GAA: variants seen among roughly 807,000 people sequenced by gnomAD.
GAA encodes alpha glucosidase.
In GAA, 88 loss-of-function variants were observed where a neutral mutation model predicts 103.9. The observed-to-expected ratio is 0.85, with a 90% CI of 0.71 to 1.01. The LOEUF (loss-of-function observed/expected upper bound fraction) is 1.01, where lower values mean the gene tolerates loss of function less well. GAA is among the 50% of genes least tolerant of loss of function. GAA has a pLI of 0.00. For missense variants in GAA, 1,350 were observed against 1,305.3 expected (o/e 1.03, Z -0.53); for synonymous variants, 572 against 563.1 (o/e 1.02, Z -0.22).
chr17:80,112,437 T>C, intron 12 of GAA, 141 bp from the exon 13 acceptor site: 2 of 1,060,450 alleles, frequency 1.9e-6, no homozygotes, highest in Non-Finnish European at 2.8e-6. Flanking sequence ...CCCGCAGACA[T>C]GGGCAGTAGC....
At chr17:80,111,917 G>A (rs2039244155) in intron 11 of GAA, 66 bp from the exon 12 acceptor site, 6 of 1,362,270 alleles carry the variant, frequency 4.4e-6, no homozygotes, top group East Asian at 2.3e-5. Context: ...GAGGTGGGGG[G>A]CAGGGAGGGC....
chr17:80,104,534 G>A lies in GAA; in HGVS notation c.-32-21G>A. 6.5e-7 allele frequency: 1 copy of A among 1,549,560 alleles called. No homozygotes were observed. Among genetic ancestry groups the A allele is most frequent in the South Asian group, 1.2e-5 (1 of 84,768 alleles). ...GCCGCCCCTCCCGCCTCCCTGCTGA[G>A]CCCGCTTTCTTCTCCCGCAGGCCTG... On this transcript the variant is annotated intron_variant, in intron 1 of 19. Transcript: ENST00000302262. The surrounding 1 kb of genome is among the most constrained non-coding windows in gnomAD (Gnocchi z 4.0).
chr17:80,103,599 T>G (rs114011737), intron 1 of GAA, among the ~76,000 whole-genome samples: 487 of 152,272 alleles, frequency 3.2e-3, no homozygotes, highest in African/African-American at 0.011. Flanking sequence ...TTGGTACTTG[T>G]TAACCTTACC....
chr17:80,113,424 C>G, intron 15 of GAA, 58 bp downstream of exon 15: 1 of 1,442,524 alleles, frequency 6.9e-7, no homozygotes. Flanking sequence ...GGGCACGTAA[C>G]TCCCAGGCAG....
rs1393986587 is a variant in GAA, at chr17:80,112,156, T to TTGGG, written c.1754+57_1754+60dup. 3 of 1,536,412 alleles carry TTGGG rather than the reference T, an allele frequency of 2.0e-6. No individual in the cohort carries two copies. In the African/African-American group the frequency reaches 4.1e-5, roughly 21 times the overall value. ...TGCCCTCACAGCCTGTCCTACAAGG[T>TTGGG]TGGGGCCTCTGCAGGGCCTCAGGGA... On this transcript the variant is annotated intron_variant, in intron 12 of 19. Coordinates refer to ENST00000302262, the MANE Select transcript of GAA (RefSeq NM_000152.5).
intron 11 of GAA, 146 bp downstream of exon 11, chr17:80,111,171 A>T (rs1471626622): frequency 1.2e-6 from 1 of 838,084 alleles, no homozygotes; most frequent in Admixed American, 2.1e-5. Flanking sequence ...AGAAAGGCTC[A>T]GGCTGGGAGA....
chr17:80,106,827 C>T (rs991479479), intron 3 of GAA, among the ~76,000 whole-genome samples: 9 of 152,186 alleles, frequency 5.9e-5, no homozygotes, highest in African/African-American at 1.4e-4. Context: ...GAGGCTGAGG[C>T]AAGAGGATCC....
Position 80,104,538 on chromosome 17 carries a change from G to A in GAA, c.-32-17G>A, listed in dbSNP as rs368933241. 1.6e-5 allele frequency: 25 copies of A among 1,558,524 alleles called. No individual in the cohort carries two copies. Among genetic ancestry groups the A allele is most frequent in the African/African-American group, 5.4e-5 (4 of 73,888 alleles). ...CCCCTCCCGCCTCCCTGCTGAGCCC[G>A]CTTTCTTCTCCCGCAGGCCTGTAGG... On this transcript the variant is annotated splice_polypyrimidine_tract_variant and intron_variant, in intron 1 of 19. Transcript: ENST00000302262. The surrounding 1 kb of genome is among the most constrained non-coding windows in gnomAD (Gnocchi z 4.0).
At chr17:80,109,675 G>A (rs1048465382) in intron 8 of GAA, among the ~76,000 whole-genome samples, 1 of 150,358 alleles carries the variant, frequency 6.7e-6, no homozygotes, top group Non-Finnish European at 1.5e-5. Flanking sequence ...GATTACTGTA[G>A]AACACTTGGG....
intron 16 of GAA, 147 bp downstream of exon 16, chr17:80,117,256 G>A (rs2039376172): frequency 3.6e-6 from 3 of 844,714 alleles, no homozygotes; most frequent in African/African-American, 1.7e-5. Context: ...CCACCCGGCT[G>A]CTCCGCACCC....
Position 80,104,061 on chromosome 17 carries a change from C to T in GAA, c.-32-494C>T, listed in dbSNP as rs140325572. 5.9e-5 allele frequency among the ~76,000 whole-genome samples: 9 copies of T among 152,216 alleles called. No individual in the cohort carries two copies. The highest frequency in any genetic ancestry group is 2.1e-4 in the South Asian group (1 of 4,826). On this transcript the variant is annotated intron_variant, in intron 1 of 19. Coordinates refer to ENST00000302262, the MANE Select transcript of GAA (RefSeq NM_000152.5). This position sits in a 1 kb window ranked among gnomAD's most constrained non-coding sequence, Gnocchi z 4.0. ...GGTGGATCACTTGAGCTCAGGAGTT[C>T]GAGACCAGCCTGGGTAACATGGCAA...
chr17:80,118,693 G>A lies in GAA; in HGVS notation c.2687G>A (p.Gly896Glu). The A allele has an allele frequency of 6.2e-7, 1 of 1,613,040 alleles. No homozygotes were observed. Among genetic ancestry groups the A allele is most frequent in the Non-Finnish European group, 8.5e-7 (1 of 1,179,988 alleles). Residue 896 changes from glycine (G) to glutamate (E), a missense_variant, in exon 19 of 20, where the codon GGA becomes GAA. Coordinates refer to ENST00000302262, the MANE Select transcript of GAA (RefSeq NM_000152.5). ...VNELVRVTSE[G>E]AGLQLQKVTV... ...GAGCTGGTACGTGTGACCAGTGAGG[G>A]AGCTGGCCTGCAGCTGCAGAAGGTG...
At chr17:80,118,845 G>C (rs1364465838) in intron 19 of GAA, 40 bp downstream of exon 19, 15 of 1,609,444 alleles carry the variant, frequency 9.3e-6, no homozygotes, top group Middle Eastern at 1.7e-4. Context: ...GCGTCCCCCA[G>C]CCGTGGTGCA....
intron 17 of GAA, 127 bp from the exon 18 acceptor site, chr17:80,118,066 G>A (rs1390981003): frequency 2.2e-5 from 24 of 1,109,880 alleles, no homozygotes; most frequent in African/African-American, 1.1e-4. Flanking sequence ...CCCTGCGGCC[G>A]CAGGTGTTCC....
Position 80,109,766 on chromosome 17 carries a change from G to A in GAA, c.1327-179G>A, listed in dbSNP as rs2278620. Reference sequence around the variant, plus strand: ...CTCATCAGCCAGCTGGTCCTGACTCGCCCGGCCCTGGCTCCTCTCCAGGCA... The same window carrying A: ...CTCATCAGCCAGCTGGTCCTGACTCACCCGGCCCTGGCTCCTCTCCAGGCA... On this transcript the variant is annotated intron_variant, in intron 8 of 19. Transcript: ENST00000302262. Among the ~76,000 whole-genome samples the A allele has an allele frequency of 0.2, 30,961 of 152,176 alleles. 3,859 individuals are homozygous for A. Among genetic ancestry groups the A allele is most frequent in the Non-Finnish European group, 0.28 (18,911 of 67,970 alleles).
rs991245388 is a variant in GAA, at chr17:80,108,819, G to A, written c.1317G>A (p.Met439Ile). ...QELHQGGRRY[M>I]MIVDPAISSS... ...TGCACCAGGGCGGCCGGCGCTACAT[G>A]ATGATCGTGGTGTGTGCCCCCACAC... The change falls in exon 8 of 20, where the codon ATG becomes ATA. Residue 439 changes from methionine to isoleucine, a missense_variant. Physicochemically the swap from Met to Ile is conservative, Grantham distance 10. Transcript: ENST00000302262. The A allele has an allele frequency of 2.5e-6, 4 of 1,593,220 alleles. No homozygotes were observed. The highest frequency in any genetic ancestry group is 3.4e-6 in the Non-Finnish European group (4 of 1,170,320).
At position 80,104,841 on chromosome 17, in the gene GAA, C is replaced by G. The variant is rs1448106804; in HGVS notation, c.255C>G (p.Pro85=). Residue 85 remains proline (P), a synonymous_variant, in exon 2 of 20, where the codon CCC becomes CCG. Coordinates refer to ENST00000302262, the MANE Select transcript of GAA (RefSeq NM_000152.5). This position sits in a 1 kb window ranked among gnomAD's most constrained non-coding sequence, Gnocchi z 4.0. ...CAGTGCCCACACAGTGCGACGTCCC[C>G]CCCAACAGCCGCTTCGATTGCGCCC... is the stretch of plus-strand genomic sequence containing the variant. ...PRAVPTQCDV[P]PNSRFDCAPD... 6.2e-7 allele frequency: 1 copy of G among 1,612,830 alleles called. No homozygotes were observed. Among genetic ancestry groups the G allele is most frequent in the Admixed American group, 1.7e-5 (1 of 60,008 alleles).
At chr17:80,118,923 G>A in intron 19 of GAA, 118 bp downstream of exon 19, 1 of 1,255,820 alleles carries the variant, frequency 8.0e-7, no homozygotes, top group South Asian at 1.3e-5. Flanking sequence ...ACCTCCCAAG[G>A]GGGTCTTTGG....
intron 12 of GAA, 106 bp downstream of exon 12, chr17:80,112,206 A>G (rs2039253200): frequency 3.4e-6 from 4 of 1,164,126 alleles, no homozygotes; most frequent in Non-Finnish European, 5.1e-6. Flanking sequence ...GGCCCAGACC[A>G]CCCGGGGCCC....
Sources: allele counts gnomAD v4.1 joint callset (sites outside exome capture counted in the v4.1 genomes callset), GRCh38; gene constraint gnomAD v4.1.1; non-coding constraint Gnocchi (gnomAD v3.1); transcripts MANE v1.5; gene names NCBI Gene and HGNC (gene_info 2026-07-23, HGNC 2026-07-21).